Variants in IPO7 observed in about 807,000 individuals in gnomAD.
The protein encoded by IPO7 is importin-7.
In IPO7, 13 loss-of-function variants were observed where a neutral mutation model predicts 136.4. The ratio of observed to expected loss-of-function variants is 0.10; its 90% CI spans 0.06 to 0.15. The LOEUF (loss-of-function observed/expected upper bound fraction) is 0.15, where lower values mean the gene tolerates loss of function less well. IPO7 is among the 10% of genes least tolerant of loss of function. The pLI, the probability that IPO7 is intolerant of heterozygous loss-of-function variation, is 1.00. For synonymous variants in IPO7, 403 were observed against 404.4 expected (o/e 1.00, Z 0.04); for missense variants, 857 against 1,240.6 (o/e 0.69, Z 4.65).
In IPO7 at chr11:9,420,429, G is replaced by A. The variant is rs1855110863; in HGVS notation, c.745G>A (p.Glu249Lys). 1 of 1,609,670 alleles carries A rather than the reference G, an allele frequency of 6.2e-7. No individual in the cohort carries two copies. Residue 249 changes from glutamate to lysine, a missense_variant, in exon 7 of 25, where the codon GAA becomes AAA. Around this residue, in one of 11 missense-constraint regions of IPO7, gnomAD observed 287 missense variants for 307.5 expected, o/e 0.93. Coordinates refer to ENST00000379719, the MANE Select transcript of IPO7 (RefSeq NM_006391.3). ...DVPNETLQVE[E>K]DDRPELPWWK... is the part of the protein sequence containing the mutation. Reference sequence around the variant, plus strand: ...TTTAAAGGAAACACTTCAAGTTGAAGAAGATGATCGACCTGAGTTACCATG... The same window carrying A: ...TTTAAAGGAAACACTTCAAGTTGAAAAAGATGATCGACCTGAGTTACCATG...
At chr11:9,433,881 T>C (rs777662870) in intron 18 of IPO7, 35 bp downstream of exon 18, 1 of 1,581,100 alleles carries the variant, frequency 6.3e-7, no homozygotes, top group Non-Finnish European at 8.6e-7. Flanking sequence ...CTGAGGGTTT[T>C]CCCTGCTTTG....
intron 1 of IPO7, among the ~76,000 whole-genome samples, chr11:9,389,138 C>T (rs1321919848): frequency 1.3e-5 from 2 of 152,020 alleles, no homozygotes; most frequent in Non-Finnish European, 2.9e-5. Context: ...ACTGTAGCCT[C>T]CAATCCCAGG....
intron 1 of IPO7, among the ~76,000 whole-genome samples, chr11:9,385,294 G>T (rs544219867): frequency 1.4e-4 from 21 of 152,266 alleles, no homozygotes; most frequent in South Asian, 1.2e-3. Context: ...TGGTCCTTTG[G>T]GGGCTGCGCC....
chr11:9,425,359 A>G, intron 12 of IPO7, 97 bp downstream of exon 12: 2 of 758,546 alleles, frequency 2.6e-6, no homozygotes, highest in South Asian at 3.1e-5. Flanking sequence ...TAATCCCAGC[A>G]CTTTCGGGAT....
intron 1 of IPO7, among the ~76,000 whole-genome samples, chr11:9,397,341 A>ATATATATATATATATATATATAT (rs1554952648): frequency 1.9e-4 from 2 of 10,762 alleles, no homozygotes; most frequent in African/African-American, 5.0e-4. Context: ...TTTAAAAAAA[A>ATATATATATATATATATATATAT]ATATATATAT....
intron 20 of IPO7, 137 bp downstream of exon 20, chr11:9,436,503 T>C: frequency 3.5e-6 from 2 of 566,466 alleles, no homozygotes; most frequent in Non-Finnish European, 6.3e-6. Flanking sequence ...ATATTTTTAG[T>C]TCAAAATGTA....
chr11:9,431,691 C>T (rs868580035), intron 16 of IPO7, among the ~76,000 whole-genome samples: 4 of 151,864 alleles, frequency 2.6e-5, no homozygotes, highest in Non-Finnish European at 4.4e-5. Context: ...CATTATTGGG[C>T]GGCCAGGCAT....
intron 9 of IPO7, among the ~76,000 whole-genome samples, 165 bp from the exon 10 acceptor site, chr11:9,423,612 A>C (rs927340787): frequency 1.3e-5 from 2 of 152,204 alleles, no homozygotes; most frequent in African/African-American, 4.8e-5. Flanking sequence ...GGGGAAGTAC[A>C]TGTAGTTTGA....
At chr11:9,426,015 C>T (rs1165422254) in intron 12 of IPO7, among the ~76,000 whole-genome samples, 1 of 151,922 alleles carries the variant, frequency 6.6e-6, no homozygotes, top group African/African-American at 2.4e-5. Flanking sequence ...CACTGCACTC[C>T]ATGCTCCAGT....
intron 8 of IPO7, among the ~76,000 whole-genome samples, chr11:9,422,781 C>A (rs1301145968): frequency 6.6e-6 from 1 of 152,048 alleles, no homozygotes; most frequent in Non-Finnish European, 1.5e-5. Context: ...GACACTGTCT[C>A]TAACAACAAC....
At chr11:9,415,966 G>C (rs956619756) in intron 5 of IPO7, among the ~76,000 whole-genome samples, 2 of 152,148 alleles carry the variant, frequency 1.3e-5, no homozygotes, top group African/African-American at 4.8e-5. Flanking sequence ...ATGTACCATA[G>C]AAGGATTTAT....
chr11:9,422,084 A>G (rs922504658), intron 8 of IPO7, among the ~76,000 whole-genome samples: 1 of 152,202 alleles, frequency 6.6e-6, no homozygotes, highest in African/African-American at 2.4e-5. Flanking sequence ...GTTCGAGACC[A>G]GCCTGACCAA....
intron 1 of IPO7, among the ~76,000 whole-genome samples, chr11:9,390,990 G>A (rs1854625173): frequency 6.6e-6 from 1 of 152,008 alleles, no homozygotes; most frequent in Admixed American, 6.6e-5. Context: ...GGCTGGTCTT[G>A]AACTCCTGAC....
intron 1 of IPO7, among the ~76,000 whole-genome samples, chr11:9,390,736 G>A (rs967644105): frequency 7.2e-6 from 1 of 139,482 alleles, no homozygotes; most frequent in Non-Finnish European, 1.6e-5. Flanking sequence ...AGGATCGCTC[G>A]TCCAGGAGTT....
rs778759073 is a variant in IPO7, at chr11:9,434,969, G to A, written c.2110G>A (p.Asp704Asn). The A allele has an allele frequency of 6.2e-7, 1 of 1,605,980 alleles. No homozygotes were observed. The highest frequency in any genetic ancestry group is 8.5e-7 in the Non-Finnish European group (1 of 1,173,056). The change falls in exon 19 of 25, where the codon GAT (aspartate) becomes AAT (asparagine). Residue 704 changes from aspartate (D) to asparagine (N), a missense_variant. This residue lies in a region of IPO7 where 190 missense variants were observed against 249.0 expected (regional missense o/e 0.76). Coordinates refer to ENST00000379719, the MANE Select transcript of IPO7 (RefSeq NM_006391.3). ...CCTCCTTCATAATTATGTAACAGTT[G>A]ATACAGACACACTTCTGTCTGACAC... ...MPLLHNYVTVDTDTLLSDTKY... is the reference protein window; with the variant it reads ...MPLLHNYVTVNTDTLLSDTKY...
At position 9,445,388 on chromosome 11, in the gene IPO7, TG is replaced by T. The variant is rs60115807; in HGVS notation, c.*202del. The stretch of plus-strand genomic sequence containing the variant: ...AAAGAAATCAGCGGGATTTTGGGGG[TG>T]GGGGGGGATGGGAGGTACCTTAGAG... On this transcript the variant is annotated 3_prime_UTR_variant, in exon 25 of 25. Coordinates refer to ENST00000379719, the MANE Select transcript of IPO7 (RefSeq NM_006391.3). 83,130 of 145,768 alleles carry T rather than the reference TG, an allele frequency of 0.57. 21,814 individuals are homozygous for T. Among genetic ancestry groups the T allele is most frequent in the Non-Finnish European group, 0.61 (42,987 of 69,986 alleles). The allele number at this position is 145,768 out of a possible 1,614,324, so 9.0% of individuals were successfully genotyped here.
In IPO7 at chr11:9,384,704, G is replaced by C. The variant is rs1429392805; in HGVS notation, c.-60G>C. ...CGCGGCGGGTCCATGTGCGCAGTGAGTGGCGCTATTCCTGGCCCAGTAGCA... is the reference window on the plus strand; with the variant it reads ...CGCGGCGGGTCCATGTGCGCAGTGACTGGCGCTATTCCTGGCCCAGTAGCA... On this transcript the variant is annotated 5_prime_UTR_variant, in exon 1 of 25. Coordinates refer to ENST00000379719, the MANE Select transcript of IPO7 (RefSeq NM_006391.3). The C allele has an allele frequency of 3.4e-5, 47 of 1,400,962 alleles. 1 individual carries two copies. The South Asian group carries it at 5.3e-4, about 16-fold the overall frequency. 86.8% of individuals were successfully genotyped at this position (1,400,962 alleles called of 1,614,324 possible).
chr11:9,403,299 T>G lies in IPO7; in HGVS notation c.94T>G (p.Ser32Ala), dbSNP rs201867210. 31 of 1,612,056 alleles carry G rather than the reference T, an allele frequency of 1.9e-5. No homozygotes were observed. The highest frequency in any genetic ancestry group is 8.5e-7 in the Non-Finnish European group (1 of 1,178,518). ...CTTTTTTTCTTTGTAGGCACACAAG[T>G]CTCTGAATTTTGTCTCAACACTGCT... is the stretch of plus-strand genomic sequence containing the variant. ...AERQLNEAHK[S>A]LNFVSTLLQI... Residue 32 changes from serine (S) to alanine (A), a missense_variant, in exon 2 of 25, where the codon TCT becomes GCT. Physicochemically the swap from Ser to Ala is moderately conservative, Grantham distance 99. Around this residue, in one of 11 missense-constraint regions of IPO7, gnomAD observed 49 missense variants for 59.9 expected, o/e 0.82. Coordinates refer to ENST00000379719, the MANE Select transcript of IPO7 (RefSeq NM_006391.3).
At chr11:9,385,405 C>T (rs1854538481) in intron 1 of IPO7, among the ~76,000 whole-genome samples, 2 of 152,144 alleles carry the variant, frequency 1.3e-5, no homozygotes, top group Non-Finnish European at 2.9e-5. Flanking sequence ...AAGGCAAGCC[C>T]GCGCCTCCTT....
Sources: allele counts gnomAD v4.1 joint callset (sites outside exome capture counted in the v4.1 genomes callset), GRCh38; gene constraint gnomAD v4.1.1; regional missense constraint gnomAD v4.1.1; transcripts MANE v1.5; gene names NCBI Gene and HGNC (gene_info 2026-07-23, HGNC 2026-07-21).